FAM186A: variants seen among roughly 807,000 people sequenced by gnomAD.
FAM186A encodes protein FAM186A.
A neutral mutation model predicts 216.8 loss-of-function variants in FAM186A; 163 were observed. That is an observed-to-expected ratio of 0.75 (90% confidence interval 0.66 to 0.86). The LOEUF (loss-of-function observed/expected upper bound fraction) is 0.86, where lower values mean the gene tolerates loss of function less well. Ranked by LOEUF, FAM186A falls within the 40% of genes least tolerant of loss-of-function variation. The pLI is 0.00. For synonymous variants in FAM186A, 805 were observed against 1,025.3 expected (o/e 0.79, Z 4.10); for missense variants, 2,184 against 2,746.2 (o/e 0.80, Z 4.58).
rs1216644048 is a variant in FAM186A, at chr12:50,354,409, A to G, written c.2423T>C (p.Val808Ala). 2.6e-6 allele frequency: 4 copies of G among 1,551,328 alleles called. No homozygotes were observed. In the Admixed American group the frequency reaches 7.8e-5, roughly 30 times the overall value. The change falls in exon 4 of 8, where the codon GTC (valine) becomes GCC (alanine). Residue 808 changes from valine to alanine, a missense_variant. Val to Ala is a moderately conservative substitution (Grantham distance 64, BLOSUM62 0). Around this residue, in one of 7 missense-constraint regions of FAM186A, gnomAD observed 1,132 missense variants for 1,263.4 expected, o/e 0.90. Coordinates refer to ENST00000327337, the MANE Select transcript of FAM186A (RefSeq NM_001145475.3). ...EIESERDIPT[V>A]STVQKDHKEK... is the part of the protein sequence containing the mutation. Reference sequence around the variant, plus strand: ...CTTGTGGTCTTTCTGTACTGTTGAGACTGTTGGAATATCTCTTTCACTTTC... The same window carrying G: ...CTTGTGGTCTTTCTGTACTGTTGAGGCTGTTGGAATATCTCTTTCACTTTC...
In FAM186A at chr12:50,334,103, C is replaced by T; in HGVS notation, c.6504G>A (p.Arg2168=). The T allele has an allele frequency of 6.5e-7, 1 of 1,529,482 alleles. No individual in the cohort carries two copies. The highest frequency in any genetic ancestry group is 8.8e-7 in the Non-Finnish European group (1 of 1,139,454). The allele number at this position is 1,529,482 out of a possible 1,614,324, so 94.7% of individuals were successfully genotyped here. A position where few individuals can be genotyped will look rare whatever the true frequency, so the allele number is the denominator to read the frequency against. ...YIAYRLIQHA[R]NNIMKRLKAI... is the part of the protein sequence containing the mutation. ...CTTTTAGTCGTTTCATTATGTTGTT[C>T]CTTGAAAAGATTAATAAAAATTAGA... is the stretch of plus-strand genomic sequence containing the variant. Residue 2168 remains arginine, a splice_region_variant and synonymous_variant, in exon 5 of 8, where the codon AGG becomes AGA. Coordinates refer to ENST00000327337, the MANE Select transcript of FAM186A (RefSeq NM_001145475.3).
chr12:50,384,968 G>A (rs1312587410), intron 1 of FAM186A, among the ~76,000 whole-genome samples: 1 of 151,882 alleles, frequency 6.6e-6, no homozygotes, highest in South Asian at 2.1e-4. Context: ...TCTATGCCCA[G>A]CTAATTTTTG....
intron 4 of FAM186A, among the ~76,000 whole-genome samples, chr12:50,334,796 AT>A (rs1942691896): frequency 6.6e-6 from 1 of 152,012 alleles, no homozygotes; most frequent in African/African-American, 2.4e-5. Context: ...GTTTCTTTCA[AT>A]TCTCTCATCA....
intron 1 of FAM186A, among the ~76,000 whole-genome samples, chr12:50,364,118 C>T (rs1460144028): frequency 6.6e-6 from 1 of 152,154 alleles, no homozygotes; most frequent in African/African-American, 2.4e-5. Context: ...AATGCTAGCC[C>T]ACCCTACAGT....
intron 1 of FAM186A, among the ~76,000 whole-genome samples, chr12:50,386,797 G>A (rs1307584797): frequency 6.6e-6 from 1 of 151,122 alleles, no homozygotes; most frequent in Non-Finnish European, 1.5e-5. Context: ...TTTGGGGGTG[G>A]GGGGGTTAGG....
chr12:50,393,438 A>G (rs992121630), intron 1 of FAM186A, among the ~76,000 whole-genome samples: 6 of 151,564 alleles, frequency 4.0e-5, no homozygotes, highest in Non-Finnish European at 8.8e-5. Flanking sequence ...GCTGCTCGGG[A>G]GGCTGAGGCA....
intron 1 of FAM186A, among the ~76,000 whole-genome samples, chr12:50,382,278 C>T (rs1057320677): frequency 6.7e-6 from 1 of 148,190 alleles, no homozygotes; most frequent in African/African-American, 2.5e-5. Flanking sequence ...ACACTCTTGT[C>T]CACACATGCT....
chr12:50,379,319 A>T (rs1326412334), intron 1 of FAM186A, among the ~76,000 whole-genome samples: 3 of 152,054 alleles, frequency 2.0e-5, no homozygotes, highest in Admixed American at 6.6e-5. Flanking sequence ...GGGCGCCTGT[A>T]GTCCCAGCTA....
intron 1 of FAM186A, among the ~76,000 whole-genome samples, chr12:50,375,572 C>A (rs370023095): frequency 4.7e-5 from 7 of 149,290 alleles, no homozygotes; most frequent in African/African-American, 1.7e-4. Flanking sequence ...AAAAAAGTAG[C>A]CAGGTATGGT....
chr12:50,335,919 C>G (rs1311401390), intron 4 of FAM186A, among the ~76,000 whole-genome samples: 1 of 151,706 alleles, frequency 6.6e-6, no homozygotes, highest in Non-Finnish European at 1.5e-5. Flanking sequence ...AGGTCAGGGG[C>G]TCCAGACCAG....
chr12:50,386,946 T>C (rs939419701), intron 1 of FAM186A, among the ~76,000 whole-genome samples: 1 of 152,126 alleles, frequency 6.6e-6, no homozygotes, highest in Admixed American at 6.6e-5. Context: ...TCAGTTTTTT[T>C]TTCTATTCTA....
At chr12:50,393,144 T>C (rs1943377516) in intron 1 of FAM186A, among the ~76,000 whole-genome samples, 2 of 151,514 alleles carry the variant, frequency 1.3e-5, no homozygotes, top group African/African-American at 2.4e-5. Context: ...GCGAGAATGG[T>C]CTCGATCTCC....
intron 1 of FAM186A, among the ~76,000 whole-genome samples, chr12:50,368,618 C>T (rs1460406454): frequency 6.6e-6 from 1 of 151,974 alleles, no homozygotes; most frequent in African/African-American, 2.4e-5. Flanking sequence ...AATGCAATCC[C>T]TATCAAAATC....
At chr12:50,328,954 A>G (rs550842708) in intron 7 of FAM186A, among the ~76,000 whole-genome samples, 92 of 152,192 alleles carry the variant, frequency 6.0e-4, no homozygotes, top group Non-Finnish European at 1.9e-4. Flanking sequence ...CATCTCTACT[A>G]AAAATACAAA....
At chr12:50,391,842 C>T (rs560250800) in intron 1 of FAM186A, among the ~76,000 whole-genome samples, 170 of 152,120 alleles carry the variant, frequency 1.1e-3, no homozygotes, top group Non-Finnish European at 2.2e-3. Flanking sequence ...GTATTTATTC[C>T]AGAGAAATGA....
At position 50,396,355 on chromosome 12, in the gene FAM186A, G is replaced by T. The variant is rs1039656701; in HGVS notation, c.130C>A (p.Pro44Thr). The change falls in exon 1 of 8, where the codon CCA (proline) becomes ACA (threonine). Residue 44 changes from proline to threonine, a missense_variant. Pro to Thr is a conservative substitution (Grantham distance 38, BLOSUM62 -1). Around this residue, in one of 7 missense-constraint regions of FAM186A, gnomAD observed 1,132 missense variants for 1,263.4 expected, o/e 0.90. Coordinates refer to ENST00000327337, the MANE Select transcript of FAM186A (RefSeq NM_001145475.3). ...GAGATGATATCCTTTACTGAGAATG[G>T]GATCTCAAGGTTAGGGAGCATCAAA... ...SPLMLPNLEI[P>T]FSVKDIISRI... 3.7e-5 allele frequency: 58 copies of T among 1,551,600 alleles called. No individual in the cohort carries two copies. The highest frequency in any genetic ancestry group is 5.1e-5 in the Non-Finnish European group (58 of 1,146,966).
chr12:50,329,796 A>T (rs745874953), intron 7 of FAM186A, among the ~76,000 whole-genome samples: 3 of 152,016 alleles, frequency 2.0e-5, no homozygotes, highest in Admixed American at 6.6e-5. Flanking sequence ...GGGTTTCACT[A>T]TGTTGGCCAG....
At chr12:50,384,172 C>T (rs1468774242) in intron 1 of FAM186A, among the ~76,000 whole-genome samples, 2 of 151,898 alleles carry the variant, frequency 1.3e-5, no homozygotes, top group South Asian at 2.1e-4. Context: ...TGTGGTGGCT[C>T]ACACCTGGAA....
rs568054714 is a variant in FAM186A, at chr12:50,331,825, TA to T, written c.6697-5del. On this transcript the variant is annotated splice_region_variant and splice_polypyrimidine_tract_variant and intron_variant, in intron 5 of 7. Transcript: ENST00000327337. ...TCAATTCATGTATCTTTTTGAGCTA[TA>T]AAAAAAAATAGATCAGAAAAAGGAA... 612 of 1,480,830 alleles carry T rather than the reference TA, an allele frequency of 4.1e-4. No homozygotes were observed. Among genetic ancestry groups the T allele is most frequent in the Middle Eastern group, 2.3e-3 (11 of 4,690 alleles). The allele number at this position is 1,480,830 out of a possible 1,614,324, so 91.7% of individuals were successfully genotyped here.
Sources: gnomAD v4.1 joint callset for allele counts (sites outside exome capture counted in the v4.1 genomes callset) on GRCh38, gnomAD v4.1.1 for gene constraint, gnomAD v4.1.1 regional missense constraint, MANE v1.5 for transcripts, NCBI Gene and HGNC (gene_info 2026-07-23, HGNC 2026-07-21) for gene names.